The following ANGPT1 variants were observed in gnomAD, a reference collection of about 807,000 sequenced individuals.
ANGPT1 encodes angiopoietin 1.
Under a neutral mutation model 62.2 loss-of-function variants are expected in ANGPT1, and 17 were observed. The ratio of observed to expected loss-of-function variants is 0.27; its 90% CI spans 0.19 to 0.41. ANGPT1 has a LOEUF of 0.41. Ranked by LOEUF, ANGPT1 falls within the 10% of genes least tolerant of loss-of-function variation. The pLI, the probability that ANGPT1 is intolerant of heterozygous loss-of-function variation, is 1.00. For missense variants in ANGPT1, 478 were observed against 594.9 expected (o/e 0.80, Z 2.04); for synonymous variants, 199 against 198.9 (o/e 1.00, Z 0.00).
chr8:107,424,176 G>T (rs1182370073), intron 1 of ANGPT1, among the ~76,000 whole-genome samples: 1 of 151,004 alleles, frequency 6.6e-6, no homozygotes. Flanking sequence ...AAAAAATTCT[G>T]CATTGGACAA....
Position 107,322,041 on chromosome 8 carries a change from G to C in ANGPT1, c.663C>G (p.Gly221=). ...TLKEEKENLQ[G]LVTRQTYIIQ... is the part of the protein sequence containing the mutation. ...TTATATATGTTTGACGAGTAACCAA[G>C]CCTTGAAGGTTCTCTTTCTCTTCCT... Residue 221 remains glycine, a synonymous_variant, in exon 4 of 9, where the codon GGC becomes GGG. Coordinates refer to ENST00000517746, the MANE Select transcript of ANGPT1 (RefSeq NM_001146.5). The C allele has an allele frequency of 6.2e-6, 10 of 1,613,868 alleles. No homozygotes were observed. Among genetic ancestry groups the C allele is most frequent in the Non-Finnish European group, 8.5e-6 (10 of 1,179,862 alleles).
At chr8:107,300,874 G>A (rs1403399015) in intron 5 of ANGPT1, among the ~76,000 whole-genome samples, 1 of 151,890 alleles carries the variant, frequency 6.6e-6, no homozygotes, top group Non-Finnish European at 1.5e-5. Flanking sequence ...AACCAACCCA[G>A]GAGCCAGCCA....
At chr8:107,398,142 T>C (rs1816972332) in intron 1 of ANGPT1, among the ~76,000 whole-genome samples, 3 of 152,350 alleles carry the variant, frequency 2.0e-5, no homozygotes, top group South Asian at 4.1e-4. Flanking sequence ...AGCATGCAGC[T>C]ACCTGAATAA....
intron 1 of ANGPT1, among the ~76,000 whole-genome samples, chr8:107,408,523 AG>A (rs11297066): frequency 1 from 152,276 of 152,278 alleles, 76,137 homozygotes; most frequent in Middle Eastern, 1. Context: ...TAGGGTTGGG[AG>A]GGTGAGGGCT....
intron 1 of ANGPT1, among the ~76,000 whole-genome samples, chr8:107,423,713 G>A (rs1219138052): frequency 6.6e-6 from 1 of 151,706 alleles, no homozygotes; most frequent in Admixed American, 6.6e-5. Flanking sequence ...CGAAAAGGGT[G>A]TGAGTTTCTA....
At chr8:107,422,622 C>T (rs1180771887) in intron 1 of ANGPT1, among the ~76,000 whole-genome samples, 2 of 152,140 alleles carry the variant, frequency 1.3e-5, no homozygotes, top group African/African-American at 4.8e-5. Flanking sequence ...TAATCGCCCA[C>T]ATTTGTAAAT....
intron 1 of ANGPT1, among the ~76,000 whole-genome samples, chr8:107,467,646 G>A (rs909906829): frequency 2.6e-5 from 4 of 152,030 alleles, no homozygotes; most frequent in African/African-American, 4.8e-5. Flanking sequence ...TTAGGAACAC[G>A]TGATCTGTGT....
intron 2 of ANGPT1, chr8:107,336,550 A>G (rs922621320): frequency 4.2e-6 from 1 of 240,434 alleles, no homozygotes; most frequent in South Asian, 5.5e-5. Context: ...CTGTAGTCCC[A>G]GCTACTCGGG....
At chr8:107,345,106 T>G (rs1306052383) in intron 2 of ANGPT1, among the ~76,000 whole-genome samples, 1 of 152,198 alleles carries the variant, frequency 6.6e-6, no homozygotes, top group Admixed American at 6.5e-5. Flanking sequence ...AGGGCATAAT[T>G]TGAGCCATTG....
chr8:107,311,261 C>T (rs1377386322), intron 4 of ANGPT1, among the ~76,000 whole-genome samples: 1 of 151,556 alleles, frequency 6.6e-6, no homozygotes, highest in South Asian at 2.1e-4. Context: ...AGGGGGCATG[C>T]TATATACTTT....
In ANGPT1 at chr8:107,284,724, T is replaced by G; in HGVS notation, c.1163A>C (p.Gln388Pro). 1 of 1,607,250 alleles carries G rather than the reference T, an allele frequency of 6.2e-7. No homozygotes were observed. Among genetic ancestry groups the G allele is most frequent in the Non-Finnish European group, 8.5e-7 (1 of 1,175,516 alleles). ...MDWEGNRAYS[Q>P]YDRFHIGNEK... is the part of the protein sequence containing the mutation. ...ATTTCCTATGTGGAATCTGTCATAC[T>G]GTGAATAGGCTCGGTTCCCTTCCCA... Residue 388 changes from glutamine to proline, a missense_variant, in exon 7 of 9, where the codon CAG becomes CCG. Physicochemically the swap from Gln to Pro is moderately conservative, Grantham distance 76 (BLOSUM62 -1). Transcript: ENST00000517746.
chr8:107,268,949 G>A (rs935206638), intron 7 of ANGPT1, among the ~76,000 whole-genome samples: 13 of 152,144 alleles, frequency 8.5e-5, no homozygotes, highest in African/African-American at 2.9e-4. Context: ...ATCCCCCCAT[G>A]TTTATATCCT....
chr8:107,376,856 T>A (rs181397466), intron 1 of ANGPT1, among the ~76,000 whole-genome samples: 18 of 152,346 alleles, frequency 1.2e-4, no homozygotes, highest in Admixed American at 1.1e-3. Context: ...GTTCAGTGTG[T>A]CTGGGAAACA....
intron 5 of ANGPT1, among the ~76,000 whole-genome samples, chr8:107,302,509 A>T (rs1442103027): frequency 6.6e-6 from 1 of 151,966 alleles, no homozygotes; most frequent in Non-Finnish European, 1.5e-5. Flanking sequence ...ATAATTGTCT[A>T]TCTTCATCAT....
At chr8:107,426,357 T>C (rs1443433438) in intron 1 of ANGPT1, among the ~76,000 whole-genome samples, 1 of 152,218 alleles carries the variant, frequency 6.6e-6, no homozygotes, top group African/African-American at 2.4e-5. Flanking sequence ...GGATGATTAA[T>C]CAGCATTCTA....
chr8:107,363,104 T>TC (rs1816201442), intron 1 of ANGPT1, among the ~76,000 whole-genome samples: 1 of 139,740 alleles, frequency 7.2e-6, no homozygotes, highest in African/African-American at 2.6e-5. Context: ...TTTTTTTTTT[T>TC]CTCCCACTTG....
At chr8:107,264,184 TG>T (rs1369891718) in intron 8 of ANGPT1, 36 bp downstream of exon 8, 2 of 1,590,804 alleles carry the variant, frequency 1.3e-6, no homozygotes, top group African/African-American at 2.7e-5. Context: ...CCCAAACCAA[TG>T]AAACATAGCT....
At chr8:107,464,796 T>A (rs1812159869) in intron 1 of ANGPT1, among the ~76,000 whole-genome samples, 1 of 152,018 alleles carries the variant, frequency 6.6e-6, no homozygotes, top group South Asian at 2.1e-4. Context: ...TTCGATAAAT[T>A]CTACTATTGT....
At chr8:107,342,535 A>G (rs924504600) in intron 2 of ANGPT1, among the ~76,000 whole-genome samples, 1 of 152,166 alleles carries the variant, frequency 6.6e-6, no homozygotes, top group African/African-American at 2.4e-5. Flanking sequence ...CATAGACAAC[A>G]TATAAATGAA....
Sources: gnomAD v4.1 joint callset for allele counts (sites outside exome capture counted in the v4.1 genomes callset) on GRCh38, gnomAD v4.1.1 for gene constraint, MANE v1.5 for transcripts, NCBI Gene and HGNC (gene_info 2026-07-23, HGNC 2026-07-21) for gene names.